GPR162: variants seen among roughly 807,000 people sequenced by gnomAD.
GPR162 encodes the protein probable G protein-coupled receptor 162.
GPR162 carries 26 observed loss-of-function variants against 44.9 expected under a neutral mutation model. The observed-to-expected ratio is 0.58, with a 90% CI of 0.42 to 0.80. The LOEUF (loss-of-function observed/expected upper bound fraction) is 0.80. Ranked by LOEUF, GPR162 falls within the 30% of genes least tolerant of loss-of-function variation. GPR162 has a pLI of 0.00. For missense variants in GPR162, 704 were observed against 802.3 expected, an observed-to-expected ratio of 0.88 and a Z score of 1.48; for synonymous variants, 363 against 335.2, an observed-to-expected ratio of 1.08 and a Z score of -0.91.
rs782401586 is a variant in GPR162, at chr12:6,826,857, G to A, written c.1420G>A (p.Gly474Arg). Residue 474 changes from glycine to arginine, a missense_variant, in exon 5 of 5, where the codon GGG becomes AGG. Physicochemically the swap from Gly to Arg is moderately radical, Grantham distance 125. Around this residue, in one of 6 missense-constraint regions of GPR162, gnomAD observed 404 missense variants for 314.1 expected, o/e 1.29. Transcript: ENST00000311268. ...DEEDEEEAEG[G>R]GLASLRQFLE... ...GGAGGACGAGGAAGAGGCTGAAGGT[G>A]GGGGGCTGGCCAGCCTTCGCCAATT... 5.6e-6 allele frequency: 9 copies of A among 1,612,370 alleles called. No homozygotes were observed. The highest frequency in any genetic ancestry group is 6.8e-6 in the Non-Finnish European group (8 of 1,179,180).
chr12:6,826,856 T>TG lies in GPR162; in HGVS notation c.1425dup (p.Leu476AlafsTer36), dbSNP rs781913714. On this transcript the variant is annotated frameshift_variant, in exon 5 of 5. Coordinates refer to ENST00000311268, the MANE Select transcript of GPR162 (RefSeq NM_019858.2). LOFTEE classifies it high-confidence loss of function. ...AGGAGGACGAGGAAGAGGCTGAAGG[T>TG]GGGGGGCTGGCCAGCCTTCGCCAAT... is the stretch of plus-strand genomic sequence containing the variant. 3 of 1,612,126 alleles carry TG rather than the reference T, an allele frequency of 1.9e-6. No homozygotes were observed. Among genetic ancestry groups the TG allele is most frequent in the Non-Finnish European group, 2.5e-6 (3 of 1,179,078 alleles).
In GPR162 at chr12:6,824,750, A is replaced by G. The variant is rs1943329759; in HGVS notation, c.852A>G (p.Thr284=). 6.2e-7 allele frequency: 1 copy of G among 1,613,072 alleles called. No individual in the cohort carries two copies. The highest frequency in any genetic ancestry group is 8.5e-7 in the Non-Finnish European group (1 of 1,179,916). Residue 284 remains threonine (T), a synonymous_variant, in exon 2 of 5, where the codon ACA becomes ACG. Coordinates refer to ENST00000311268, the MANE Select transcript of GPR162 (RefSeq NM_019858.2). ...TCGTCTTTCTCTATGACTCACTCAC[A>G]GGGGTGCCCATCTTGGTGAGATCGG... ...SAIVFLYDSL[T]GVPILVVSFF...
Position 6,823,545 on chromosome 12 carries a change from A to G in GPR162, c.-354A>G. ...TCCTGACTGGTCAAGAACCAGAGGC[A>G]AAAGAGACCTGGAAGTCCCAGCATG... On this transcript the variant is annotated 5_prime_UTR_variant, in exon 2 of 5. Transcript: ENST00000311268. The G allele has an allele frequency of 1.9e-6, 1 of 520,742 alleles. No homozygotes were observed. The allele number at this position is 520,742 out of a possible 1,614,324, so 32.3% of individuals were successfully genotyped here. A position where few individuals can be genotyped will look rare whatever the true frequency, so the allele number is the denominator to read the frequency against.
Position 6,824,579 on chromosome 12 carries a change from G to A in GPR162, c.681G>A (p.Ala227=), listed in dbSNP as rs781820567. ...RRVGGGGGTK[A]GGPGALGTRP... ...TGGGGGGTGGTGGGGGGACCAAAGC[G>A]GGTGGGCCAGGGGCCTTGGGTACCC... The change falls in exon 2 of 5, where the codon GCG becomes GCA. Residue 227 remains alanine (A), a synonymous_variant. Transcript: ENST00000311268. 100 of 1,606,346 alleles carry A rather than the reference G, an allele frequency of 6.2e-5. No individual in the cohort carries two copies. In the South Asian group the frequency reaches 9.2e-4, roughly 15 times the overall value.
At position 6,823,860 on chromosome 12, in the gene GPR162, C is replaced by T. The variant is rs781924116; in HGVS notation, c.-39C>T. On this transcript the variant is annotated 5_prime_UTR_variant, in exon 2 of 5. Coordinates refer to ENST00000311268, the MANE Select transcript of GPR162 (RefSeq NM_019858.2). Reference sequence around the variant, plus strand: ...GCTCCTGGGTGAGACCTAGCCCCCACCCCCACAGAGCTCAAGGGGGTGGGG... The same window carrying T: ...GCTCCTGGGTGAGACCTAGCCCCCATCCCCACAGAGCTCAAGGGGGTGGGG... 6.3e-7 allele frequency: 1 copy of T among 1,579,704 alleles called. No individual in the cohort carries two copies. Among genetic ancestry groups the T allele is most frequent in the South Asian group, 1.1e-5 (1 of 87,390 alleles).
At position 6,824,381 on chromosome 12, in the gene GPR162, G is replaced by A; in HGVS notation, c.483G>A (p.Glu161=). 1 of 1,614,212 alleles carries A rather than the reference G, an allele frequency of 6.2e-7. No homozygotes were observed. Among genetic ancestry groups the A allele is most frequent in the Non-Finnish European group, 8.5e-7 (1 of 1,180,038 alleles). Residue 161 remains glutamate (E), a synonymous_variant, in exon 2 of 5, where the codon GAG becomes GAA. Transcript: ENST00000311268. The part of the protein sequence containing the change: ...LPSIGWHNNG[E]RYYARGCQFI... ...CCATTGGCTGGCACAACAACGGCGA[G>A]CGCTACTATGCCCGCGGCTGCCAGT...
At position 6,826,469 on chromosome 12, in the gene GPR162, G is replaced by T. The variant is rs188726925; in HGVS notation, c.1215+116G>T. On this transcript the variant is annotated intron_variant, in intron 4 of 4. Coordinates refer to ENST00000311268, the MANE Select transcript of GPR162 (RefSeq NM_019858.2). ...GCCCTGGCTTTCAGGGCACCATAGA[G>T]CTGGGTGAAAGAAAGCTATAGCAAG... 22 of 1,166,272 alleles carry T rather than the reference G, an allele frequency of 1.9e-5. No individual in the cohort carries two copies. In the African/African-American group the frequency reaches 2.8e-4, roughly 15 times the overall value. The allele number at this position is 1,166,272 out of a possible 1,614,324, so 72.2% of individuals were successfully genotyped here.
rs1300791030 is a variant in GPR162, at chr12:6,825,283, T to C, written c.868-201T>C. On this transcript the variant is annotated intron_variant, in intron 2 of 4. Transcript: ENST00000311268. ...TCTCCCTCCTGACCGCAGGGCTTTG[T>C]CTCCAGCACTCTCCCCGACCTTCCT... 6.7e-6 allele frequency: 4 copies of C among 596,248 alleles called. No homozygotes were observed. In the African/African-American group the frequency reaches 7.4e-5, roughly 11 times the overall value. 36.9% of individuals were successfully genotyped at this position (596,248 alleles called of 1,614,324 possible). A position where few individuals can be genotyped will look rare whatever the true frequency, so the allele number is the denominator to read the frequency against.
rs1943320955 is a variant in GPR162, at chr12:6,824,218, C to T, written c.320C>T (p.Thr107Met). The T allele has an allele frequency of 1.2e-6, 2 of 1,613,938 alleles. No homozygotes were observed. Among genetic ancestry groups the T allele is most frequent in the Non-Finnish European group, 8.5e-7 (1 of 1,180,016 alleles). ...YYTLALATCF[T>M]VASLSYHRMW... ...ACCCTGGCGCTGGCCACCTGCTTCA[C>T]GGTCGCCTCCCTCTCCTACCATCGC... Residue 107 changes from threonine (T) to methionine (M), a missense_variant, in exon 2 of 5, where the codon ACG becomes ATG. By Grantham distance (81) the Thr-to-Met change is moderately conservative. Coordinates refer to ENST00000311268, the MANE Select transcript of GPR162 (RefSeq NM_019858.2).
At position 6,827,319 on chromosome 12, in the gene GPR162, G is replaced by C. The variant is rs782762507; in HGVS notation, c.*115G>C. 33 of 811,648 alleles carry C rather than the reference G, an allele frequency of 4.1e-5. No homozygotes were observed. The African/African-American group carries it at 5.2e-4, about 13-fold the overall frequency. 50.3% of individuals were successfully genotyped at this position (811,648 alleles called of 1,614,324 possible). ...TGGGGAGACGGGCGCTAGATTTGGG[G>C]CTCAGAAGGCCCTGCTCTCTCCCAT... is the stretch of plus-strand genomic sequence containing the variant. On this transcript the variant is annotated 3_prime_UTR_variant, in exon 5 of 5. Coordinates refer to ENST00000311268, the MANE Select transcript of GPR162 (RefSeq NM_019858.2).
intron 3 of GPR162, 100 bp downstream of exon 3, chr12:6,825,773 C>G (rs1943346221): frequency 2.9e-6 from 3 of 1,040,204 alleles, no homozygotes; most frequent in Non-Finnish European, 2.8e-6. Flanking sequence ...GGAGTGCCCC[C>G]TACTGGACAG....
At position 6,824,238 on chromosome 12, in the gene GPR162, C is replaced by A. The variant is rs1555119618; in HGVS notation, c.340C>A (p.His114Asn). Residue 114 changes from histidine (H) to asparagine (N), a missense_variant, in exon 2 of 5, where the codon CAT becomes AAT. His to Asn is a moderately conservative substitution (Grantham distance 68). This residue lies in a region of GPR162 where 110 missense variants were observed against 206.2 expected (regional missense o/e 0.53). Transcript: ENST00000311268. ...CTTCACGGTCGCCTCCCTCTCCTACCATCGCATGTGGATGGTGCGCTGGCC... is the reference window on the plus strand; with the variant it reads ...CTTCACGGTCGCCTCCCTCTCCTACAATCGCATGTGGATGGTGCGCTGGCC... ...TCFTVASLSYHRMWMVRWPVN... is the reference protein window; with the variant it reads ...TCFTVASLSYNRMWMVRWPVN... The A allele has an allele frequency of 6.2e-7, 1 of 1,614,058 alleles. No homozygotes were observed. The highest frequency in any genetic ancestry group is 1.1e-5 in the South Asian group (1 of 91,090).
At chr12:6,826,168 TA>T in intron 3 of GPR162, 27 bp from the exon 4 acceptor site, 1 of 1,603,584 alleles carries the variant, frequency 6.2e-7, no homozygotes, top group Non-Finnish European at 8.5e-7. Flanking sequence ...TCCCTACCTG[TA>T]ACCACTCTGC....
chr12:6,824,483 G>A lies in GPR162; in HGVS notation c.585G>A (p.Leu195=). The A allele has an allele frequency of 6.2e-7, 1 of 1,614,000 alleles. No individual in the cohort carries two copies. Among genetic ancestry groups the A allele is most frequent in the Non-Finnish European group, 8.5e-7 (1 of 1,179,968 alleles). ...TACTTGGGGGAATTGTCATGGGTCT[G>A]GTCTGTGTGGCCATCACCTTCTACC... The part of the protein sequence containing the change: ...LLLLGGIVMG[L]VCVAITFYQT... Residue 195 remains leucine (L), a synonymous_variant, in exon 2 of 5, where the codon CTG becomes CTA. Coordinates refer to ENST00000311268, the MANE Select transcript of GPR162 (RefSeq NM_019858.2).
Position 6,822,406 on chromosome 12 carries a change from CAAGGGT to C in GPR162, c.-432+507_-432+512del, listed in dbSNP as rs1943295170. On this transcript the variant is annotated intron_variant, in intron 1 of 4. Coordinates refer to ENST00000311268, the MANE Select transcript of GPR162 (RefSeq NM_019858.2). This position sits in a 1 kb window ranked among gnomAD's most constrained non-coding sequence, Gnocchi z 4.2. ...GTGGACCAGGACCTCTTGGGGAAAG[CAAGGGT>C]CTGAGCTGCTTCCATGGGAAACAGA... Among the ~76,000 whole-genome samples the C allele has an allele frequency of 6.6e-6, 1 of 152,192 alleles. No individual in the cohort carries two copies. Among genetic ancestry groups the C allele is most frequent in the Non-Finnish European group, 1.5e-5 (1 of 68,028 alleles).
Position 6,822,974 on chromosome 12 carries a change from AG to A in GPR162, c.-431-491del, listed in dbSNP as rs1225727397. 2.0e-5 allele frequency among the ~76,000 whole-genome samples: 3 copies of A among 152,132 alleles called. No individual in the cohort carries two copies. The highest frequency in any genetic ancestry group is 2.0e-4 in the Admixed American group (3 of 15,280). On this transcript the variant is annotated intron_variant, in intron 1 of 4. Coordinates refer to ENST00000311268, the MANE Select transcript of GPR162 (RefSeq NM_019858.2). The surrounding 1 kb of genome is among the most constrained non-coding windows in gnomAD (Gnocchi z 4.2). ...CATTTTCCCAGATATGGGTAGCTGG[AG>A]GGTGATCACCCAGGTTTGGGGAAGT...
intron 1 of GPR162, among the ~76,000 whole-genome samples, chr12:6,823,196 A>T (rs1943306134): frequency 6.6e-6 from 1 of 152,334 alleles, no homozygotes. Flanking sequence ...TCTAAGAAGG[A>T]ACCTGGGAGT....
At position 6,826,525 on chromosome 12, in the gene GPR162, G is replaced by C. The variant is rs929199432; in HGVS notation, c.1216-128G>C. 14 of 1,095,530 alleles carry C rather than the reference G, an allele frequency of 1.3e-5. No homozygotes were observed. The Admixed American group carries it at 2.8e-4, about 22-fold the overall frequency. 67.9% of individuals were successfully genotyped at this position (1,095,530 alleles called of 1,614,324 possible). On this transcript the variant is annotated intron_variant, in intron 4 of 4. Coordinates refer to ENST00000311268, the MANE Select transcript of GPR162 (RefSeq NM_019858.2). ...CATCCCTTCAGACCTCGTGGGGCCA[G>C]GTTTGCCCACCGGAGCAAACGTTTT...
chr12:6,826,500 C>A, intron 4 of GPR162, 147 bp downstream of exon 4: 1 of 1,065,622 alleles, frequency 9.4e-7, no homozygotes, highest in Non-Finnish European at 1.4e-6. Context: ...GCAAGAGAGG[C>A]ATCCCTTCAG....
Sources: allele counts gnomAD v4.1 joint callset (sites outside exome capture counted in the v4.1 genomes callset), GRCh38; gene constraint gnomAD v4.1.1; regional missense constraint gnomAD v4.1.1; non-coding constraint Gnocchi (gnomAD v3.1); transcripts MANE v1.5; gene names NCBI Gene and HGNC (gene_info 2026-07-23, HGNC 2026-07-21).